MCTP1: variants seen among roughly 807,000 people sequenced by gnomAD.
MCTP1 encodes the protein multiple C2 and transmembrane domain-containing protein 1.
MCTP1 carries 69 observed loss-of-function variants against 120.6 expected under a neutral mutation model. The observed-to-expected ratio is 0.57, with a 90% CI of 0.47 to 0.70. The LOEUF is 0.70. Ranked by LOEUF, MCTP1 falls within the 30% of genes least tolerant of loss-of-function variation. The pLI, the probability that MCTP1 is intolerant of heterozygous loss-of-function variation, is 0.00. For synonymous variants in MCTP1, 529 were observed against 493.1 expected (o/e 1.07, Z -0.96); for missense variants, 1,203 against 1,248.8 (o/e 0.96, Z 0.55).
intron 19 of MCTP1, among the ~76,000 whole-genome samples, chr5:94,767,756 T>C (rs1440471774): frequency 6.6e-6 from 1 of 151,284 alleles, no homozygotes; most frequent in African/African-American, 2.4e-5. Context: ...ATGAAAGGAG[T>C]TGAAGAGGAC....
rs547357923 is a variant in MCTP1 at position 95,259,275 on chromosome 5, A to C, written c.720+24581T>G. On this transcript the variant is annotated intron_variant, in intron 1 of 22. Transcript: ENST00000515393. Reference sequence around the variant, plus strand: ...CAACAACACTTGCAACCCAACCTGGACTTCCTTTGACCAAAGGAAGAAATC... The same window carrying C: ...CAACAACACTTGCAACCCAACCTGGCCTTCCTTTGACCAAAGGAAGAAATC... Among the ~76,000 whole-genome samples, 16 of 152,286 alleles carry C rather than the reference A, an allele frequency of 1.1e-4. No homozygotes were observed. The South Asian group carries it at 3.3e-3, about 32-fold the overall frequency.
chr5:94,767,181 A>C (rs143933889), intron 19 of MCTP1, among the ~76,000 whole-genome samples: 282 of 152,328 alleles, frequency 1.9e-3, no homozygotes, highest in African/African-American at 6.7e-3. Flanking sequence ...TCATAATCTC[A>C]ATAGACACAG....
chr5:94,883,694 T>C (rs1325364652), intron 12 of MCTP1, among the ~76,000 whole-genome samples: 1 of 152,212 alleles, frequency 6.6e-6, no homozygotes, highest in Non-Finnish European at 1.5e-5. Flanking sequence ...CAGACATCGT[T>C]GATTTTATTA....
intron 1 of MCTP1, among the ~76,000 whole-genome samples, chr5:95,255,004 T>G (rs1757735050): frequency 6.6e-6 from 1 of 152,206 alleles, no homozygotes; most frequent in Non-Finnish European, 1.5e-5. Flanking sequence ...ATTAGTAAAT[T>G]TCTCAAAACT....
At chr5:95,263,264 G>A (rs548168704) in intron 1 of MCTP1, among the ~76,000 whole-genome samples, 3 of 152,290 alleles carry the variant, frequency 2.0e-5, no homozygotes, top group South Asian at 4.1e-4. Context: ...GGGACAGGAC[G>A]GTGGCAGAGG....
chr5:94,744,378 G>T (rs1766375644), intron 19 of MCTP1, among the ~76,000 whole-genome samples: 1 of 152,248 alleles, frequency 6.6e-6, no homozygotes, highest in Non-Finnish European at 1.5e-5. Context: ...CAGGGAGCAA[G>T]GAGCAAGAAG....
In MCTP1 at chr5:94,707,419, G is replaced by T; in HGVS notation, c.*77C>A. 1 of 1,095,690 alleles carries T rather than the reference G, an allele frequency of 9.1e-7. No homozygotes were observed. The highest frequency in any genetic ancestry group is 2.2e-5 in the Admixed American group (1 of 46,084). 67.9% of individuals were successfully genotyped at this position (1,095,690 alleles called of 1,614,324 possible). ...AAAATAAATAAAAAGCAGAAAGAAA[G>T]GAAATGCTGCTGAGGCTGAGGGCTT... On this transcript the variant is annotated 3_prime_UTR_variant, in exon 23 of 23. Coordinates refer to ENST00000515393, the MANE Select transcript of MCTP1 (RefSeq NM_024717.7).
intron 2 of MCTP1, among the ~76,000 whole-genome samples, chr5:94,966,163 A>T (rs1825545077): frequency 6.6e-6 from 1 of 152,202 alleles, no homozygotes; most frequent in African/African-American, 2.4e-5. Flanking sequence ...CTTGCCCAAA[A>T]TATCGTAACA....
chr5:94,947,269 T>C (rs1035587065), intron 3 of MCTP1, among the ~76,000 whole-genome samples: 4 of 151,994 alleles, frequency 2.6e-5, no homozygotes, highest in Non-Finnish European at 1.5e-5. Flanking sequence ...AAATGGACAA[T>C]GGATGTACGG....
At chr5:94,842,755 C>A (rs1791423860) in intron 17 of MCTP1, among the ~76,000 whole-genome samples, 1 of 152,128 alleles carries the variant, frequency 6.6e-6, no homozygotes. Flanking sequence ...GTGGTTTTAG[C>A]AACCTGCTTT....
rs981514435 is a variant in MCTP1 at position 95,157,106 on chromosome 5, A to C, written c.720+126750T>G. Reference sequence around the variant, plus strand: ...AATACTTTTTTGAAGTAGTTATGTGAAAATTATAAATAGGTAAAATCAAAT... The same window carrying C: ...AATACTTTTTTGAAGTAGTTATGTGCAAATTATAAATAGGTAAAATCAAAT... On this transcript the variant is annotated intron_variant, in intron 1 of 22. Coordinates refer to ENST00000515393, the MANE Select transcript of MCTP1 (RefSeq NM_024717.7). 2.6e-5 allele frequency among the ~76,000 whole-genome samples: 4 copies of C among 152,228 alleles called. 1 individual carries two copies. Among genetic ancestry groups the C allele is most frequent in the Non-Finnish European group, 5.9e-5 (4 of 68,052 alleles).
At chr5:95,114,775 T>C (rs928001727) in intron 1 of MCTP1, among the ~76,000 whole-genome samples, 1 of 152,132 alleles carries the variant, frequency 6.6e-6, no homozygotes, top group African/African-American at 2.4e-5. Context: ...CAGCTGATGA[T>C]TGTAGAGCCC....
intron 1 of MCTP1, among the ~76,000 whole-genome samples, chr5:95,115,308 G>A (rs1160112813): frequency 6.6e-6 from 1 of 152,086 alleles, no homozygotes; most frequent in African/African-American, 2.4e-5. Flanking sequence ...CAATCCTGGA[G>A]AAACAGAGAG....
At chr5:94,929,668 A>G (rs546567741) in intron 6 of MCTP1, 1 of 985,128 alleles carries the variant, frequency 1.0e-6, no homozygotes, top group Non-Finnish European at 1.2e-6. Context: ...GGAGGAAAAG[A>G]TTCAGGGAGC....
At chr5:95,061,604 T>G (rs1281276015) in intron 1 of MCTP1, among the ~76,000 whole-genome samples, 2 of 150,438 alleles carry the variant, frequency 1.3e-5, no homozygotes, top group African/African-American at 4.9e-5. Flanking sequence ...CCCGGCTAAT[T>G]TTTTGTATTT....
intron 1 of MCTP1, among the ~76,000 whole-genome samples, chr5:95,026,128 ATTGATTCTT>A (rs747279031): frequency 3.3e-5 from 5 of 152,078 alleles, no homozygotes; most frequent in Non-Finnish European, 5.9e-5. Flanking sequence ...AGCTGGCATG[ATTGATTCTT>A]TTAATTTTTA....
At chr5:95,126,857 T>C (rs1036474814) in intron 1 of MCTP1, among the ~76,000 whole-genome samples, 2 of 152,194 alleles carry the variant, frequency 1.3e-5, no homozygotes, top group African/African-American at 2.4e-5. Context: ...AAAATACCTC[T>C]AGTGAGAAAA....
At chr5:94,860,096 C>A (rs151029599) in intron 17 of MCTP1, among the ~76,000 whole-genome samples, 1 of 151,086 alleles carries the variant, frequency 6.6e-6, no homozygotes, top group African/African-American at 2.4e-5. Flanking sequence ...TTTTTTTGAC[C>A]TATGGTGAAC....
chr5:94,822,291 T>C (rs148644776), intron 17 of MCTP1, among the ~76,000 whole-genome samples: 18 of 152,302 alleles, frequency 1.2e-4, no homozygotes, highest in African/African-American at 3.8e-4. Flanking sequence ...CTCCCACTTA[T>C]GAGTGAGAAC....
Sources: gnomAD v4.1 joint callset for allele counts (sites outside exome capture counted in the v4.1 genomes callset) on GRCh38, gnomAD v4.1.1 for gene constraint, MANE v1.5 for transcripts, NCBI Gene and HGNC (gene_info 2026-07-23, HGNC 2026-07-21) for gene names.